PLA2G12A: variants seen among roughly 807,000 people sequenced by gnomAD.
PLA2G12A encodes group XIIA secretory phospholipase A2.
Under a neutral mutation model 16.0 loss-of-function variants are expected in PLA2G12A, and 11 were observed. The observed-to-expected ratio is 0.69, with a 90% CI of 0.43 to 1.13. PLA2G12A has a LOEUF of 1.13. Ranked by LOEUF, PLA2G12A falls within the 50% of genes most tolerant of loss-of-function variation. The probability of loss-of-function intolerance (pLI) is 0.00; values close to 1 mark genes in which losing one functional copy is unlikely to be tolerated. For synonymous variants in PLA2G12A, 77 were observed against 93.8 expected (o/e 0.82, Z 1.03); for missense variants, 214 against 237.3 (o/e 0.90, Z 0.65).
chr4:109,725,465 A>G (rs958955045), intron 1 of PLA2G12A, among the ~76,000 whole-genome samples: 8 of 152,234 alleles, frequency 5.3e-5, no homozygotes, highest in Admixed American at 5.2e-4. Context: ...GCCAGTTTTT[A>G]CAAATAAAGC....
At chr4:109,715,589 G>A (rs1730815998) in intron 3 of PLA2G12A, among the ~76,000 whole-genome samples, 2 of 152,088 alleles carry the variant, frequency 1.3e-5, no homozygotes, top group African/African-American at 2.4e-5. Context: ...GGGTTCAAGT[G>A]ATTCTTCCAC....
At chr4:109,722,911 T>G (rs1277087308) in intron 1 of PLA2G12A, among the ~76,000 whole-genome samples, 1 of 152,194 alleles carries the variant, frequency 6.6e-6, no homozygotes. Context: ...AATAAGTATG[T>G]GATGAATTAA....
chr4:109,727,701 T>A (rs2126169148), intron 1 of PLA2G12A, among the ~76,000 whole-genome samples: 1 of 152,244 alleles, frequency 6.6e-6, no homozygotes, highest in African/African-American at 2.4e-5. Flanking sequence ...TTTGGGAAGC[T>A]GAGGCAGGAG....
chr4:109,720,598 AAAAAAAATATATATATATATATATAT>A (rs1342305791), intron 1 of PLA2G12A, among the ~76,000 whole-genome samples: 1 of 26,254 alleles, frequency 3.8e-5, no homozygotes, highest in South Asian at 1.5e-3. Flanking sequence ...AAAAAAAAAA[AAAAAAAATATATATATATATATATAT>A]ATATATATAT....
intron 1 of PLA2G12A, among the ~76,000 whole-genome samples, chr4:109,721,054 A>G (rs948250306): frequency 9.2e-5 from 14 of 152,190 alleles, no homozygotes; most frequent in Non-Finnish European, 1.8e-4. Context: ...CTGGGCAACA[A>G]GAGCGAAACT....
intron 1 of PLA2G12A, among the ~76,000 whole-genome samples, chr4:109,721,438 C>A (rs1435518982): frequency 2.0e-5 from 3 of 151,856 alleles, no homozygotes; most frequent in Admixed American, 1.3e-4. Context: ...TCTCCTGCCT[C>A]AGCTTCCCCA....
In PLA2G12A at chr4:109,710,518, T is replaced by A. The variant is rs1385643981; in HGVS notation, c.*3859A>T. 6.6e-6 allele frequency: 1 copy of A among 152,234 alleles called. No homozygotes were observed. The highest frequency in any genetic ancestry group is 6.5e-5 in the Admixed American group (1 of 15,282). The allele number at this position is 152,234 out of a possible 1,614,324, so 9.4% of individuals were successfully genotyped here. On this transcript the variant is annotated 3_prime_UTR_variant, in exon 4 of 4. Transcript: ENST00000243501. ...TCTTATTCTGACGCCTATGCTGGAG[T>A]GCAGCAGTGCAATCTCAGCTCACTG...
chr4:109,718,644 A>G, intron 2 of PLA2G12A, 39 bp downstream of exon 2: 1 of 1,420,748 alleles, frequency 7.0e-7, no homozygotes, highest in Non-Finnish European at 9.8e-7. Flanking sequence ...TACATGATTT[A>G]CCAGTTACAA....
chr4:109,720,911 A>G (rs553940178), intron 1 of PLA2G12A, among the ~76,000 whole-genome samples: 18 of 151,994 alleles, frequency 1.2e-4, no homozygotes, highest in Non-Finnish European at 2.2e-4. Context: ...TCTACTAAAT[A>G]TACAAAATTA....
Position 109,710,034 on chromosome 4 carries a change from T to G in PLA2G12A, c.*4343A>C, listed in dbSNP as rs1043170373. The G allele has an allele frequency of 1.3e-5, 2 of 152,220 alleles. No individual in the cohort carries two copies. Among genetic ancestry groups the G allele is most frequent in the Non-Finnish European group, 2.9e-5 (2 of 68,042 alleles). The allele number at this position is 152,220 out of a possible 1,614,324, so 9.4% of individuals were successfully genotyped here. A position where few individuals can be genotyped will look rare whatever the true frequency, so the allele number is the denominator to read the frequency against. On this transcript the variant is annotated 3_prime_UTR_variant, in exon 4 of 4. Transcript: ENST00000243501. ...TAATTATTATTTTTCGTATACCGGT[T>G]GCACTGATTCATTTTTGCTCTTTTA...
In PLA2G12A at chr4:109,717,531, CACCAGATCATCCTT is replaced by C; in HGVS notation, c.451+3_451+16del. On this transcript the variant is annotated splice_donor_5th_base_variant and intron_variant, in intron 3 of 3. Coordinates refer to ENST00000243501, the MANE Select transcript of PLA2G12A (RefSeq NM_030821.5). ...TTAAAAAGTACACTCATCCCCAAGC[CACCAGATCATCCTT>C]ACCCTGAACATGCTGAGTTAGTCCT... is the stretch of plus-strand genomic sequence containing the variant. The C allele has an allele frequency of 6.2e-7, 1 of 1,609,046 alleles. No homozygotes were observed. Among genetic ancestry groups the C allele is most frequent in the Non-Finnish European group, 8.5e-7 (1 of 1,176,168 alleles).
intron 2 of PLA2G12A, 102 bp from the exon 3 acceptor site, chr4:109,717,815 G>C: frequency 8.9e-7 from 1 of 1,127,886 alleles, no homozygotes; most frequent in Non-Finnish European, 1.3e-6. Flanking sequence ...AATGACTGCT[G>C]TATAGATAGT....
chr4:109,729,897 G>C lies in PLA2G12A; in HGVS notation c.-88C>G. 8.2e-7 allele frequency: 1 copy of C among 1,218,502 alleles called. No homozygotes were observed. Among genetic ancestry groups the C allele is most frequent in the Non-Finnish European group, 1.1e-6 (1 of 905,910 alleles). The allele number at this position is 1,218,502 out of a possible 1,614,324, so 75.5% of individuals were successfully genotyped here. Reference sequence around the variant, plus strand: ...CCCAGGACGCGCTAGGCAGCGGCGCGGGCCCCGGACTTGGCAGCAGCCAGC... The same window carrying C: ...CCCAGGACGCGCTAGGCAGCGGCGCCGGCCCCGGACTTGGCAGCAGCCAGC... On this transcript the variant is annotated 5_prime_UTR_variant, in exon 1 of 4. Coordinates refer to ENST00000243501, the MANE Select transcript of PLA2G12A (RefSeq NM_030821.5).
rs904400441 is a variant in PLA2G12A at position 109,711,429 on chromosome 4, G to C, written c.*2948C>G. Reference sequence around the variant, plus strand: ...AGGGAATATCCAAGATGAACCTGGAGCATCTTGTAGTGCCAGAAAGTAAGA... The same window carrying C: ...AGGGAATATCCAAGATGAACCTGGACCATCTTGTAGTGCCAGAAAGTAAGA... On this transcript the variant is annotated 3_prime_UTR_variant, in exon 4 of 4. Transcript: ENST00000243501. 3 of 152,138 alleles carry C rather than the reference G, an allele frequency of 2.0e-5. No homozygotes were observed. The highest frequency in any genetic ancestry group is 4.4e-5 in the Non-Finnish European group (3 of 68,030). 9.4% of individuals were successfully genotyped at this position (152,138 alleles called of 1,614,324 possible).
intron 1 of PLA2G12A, 100 bp from the exon 2 acceptor site, chr4:109,718,859 A>G (rs987221610): frequency 1.4e-6 from 1 of 735,628 alleles, no homozygotes; most frequent in African/African-American, 1.8e-5. Context: ...AGAAATATGT[A>G]ATATTTACTT....
At chr4:109,717,293 G>T (rs1460882664) in intron 3 of PLA2G12A, among the ~76,000 whole-genome samples, 1 of 152,124 alleles carries the variant, frequency 6.6e-6, no homozygotes, top group Non-Finnish European at 1.5e-5. Flanking sequence ...TAGGGCACAA[G>T]GTAGATGAAT....
chr4:109,726,267 AAATGTGTTAT>A (rs1463541807), intron 1 of PLA2G12A, among the ~76,000 whole-genome samples: 1 of 152,178 alleles, frequency 6.6e-6, no homozygotes, highest in Non-Finnish European at 1.5e-5. Context: ...AAAAGCATAC[AAATGTGTTAT>A]TATTTTTCCT....
chr4:109,713,041 C>G lies in PLA2G12A; in HGVS notation c.*1336G>C, dbSNP rs1396219338. ...GGCCCTTTCTCCAGAACATACTTTT[C>G]CTTCTGCCCTGTTCTACCTGTAATG... On this transcript the variant is annotated 3_prime_UTR_variant, in exon 4 of 4. Coordinates refer to ENST00000243501, the MANE Select transcript of PLA2G12A (RefSeq NM_030821.5). The G allele has an allele frequency of 6.6e-6, 1 of 152,180 alleles. No individual in the cohort carries two copies. The highest frequency in any genetic ancestry group is 6.5e-5 in the Admixed American group (1 of 15,274). 9.4% of individuals were successfully genotyped at this position (152,180 alleles called of 1,614,324 possible).
intron 1 of PLA2G12A, among the ~76,000 whole-genome samples, chr4:109,728,901 A>C (rs747728057): frequency 1.3e-5 from 2 of 152,240 alleles, no homozygotes; most frequent in South Asian, 4.1e-4. Context: ...CAAAAGAACT[A>C]TCTCTGCCTG....
Sources: gnomAD v4.1 joint callset for allele counts (sites outside exome capture counted in the v4.1 genomes callset) on GRCh38, gnomAD v4.1.1 for gene constraint, MANE v1.5 for transcripts, NCBI Gene and HGNC (gene_info 2026-07-23, HGNC 2026-07-21) for gene names.